Variants in TYMS observed in about 807,000 individuals in gnomAD.
TYMS encodes the protein thymidylate synthetase.
A neutral mutation model predicts 39.3 loss-of-function variants in TYMS; 21 were observed. The observed-to-expected ratio is 0.54, with a 90% confidence interval of 0.38 to 0.77. TYMS has a LOEUF of 0.77. Among genes scored for constraint, TYMS ranks in the 30% least tolerant of loss-of-function variants. TYMS has a pLI of 0.00. For missense variants in TYMS, 273 were observed against 406.7 expected, an observed-to-expected ratio of 0.67 and a Z score of 2.83; for synonymous variants, 171 against 162.2, an observed-to-expected ratio of 1.05 and a Z score of -0.41.
chr18:664,689 C>T (rs77599733), intron 3 of TYMS, among the ~76,000 whole-genome samples: 80,471 of 147,746 alleles, frequency 0.54, 23,456 homozygotes, highest in African/African-American at 0.77. Flanking sequence ...TGAAATATGT[C>T]CCATCAATAC....
intron 3 of TYMS, among the ~76,000 whole-genome samples, chr18:662,738 C>G (rs1372364456): frequency 6.6e-6 from 1 of 150,624 alleles, no homozygotes; most frequent in Non-Finnish European, 1.5e-5. Context: ...TTGTTCAATT[C>G]CCACCTATGA....
At position 667,992 on chromosome 18, in the gene TYMS, A is replaced by ATTTTT. The variant is rs60409589; in HGVS notation, c.455-1065_455-1061dup. The stretch of plus-strand genomic sequence containing the variant: ...AATTTTGTTTTACAGATTCACAGGA[A>ATTTTT]TTTTTTTTTTTTTTTTTTTAATGCA... On this transcript the variant is annotated intron_variant, in intron 3 of 6. Coordinates refer to ENST00000323274, the MANE Select transcript of TYMS (RefSeq NM_001071.4). Among the ~76,000 whole-genome samples, 25 of 105,366 alleles carry ATTTTT rather than the reference A, an allele frequency of 2.4e-4. 1 individual carries two copies. The highest frequency in any genetic ancestry group is 1.0e-3 in the South Asian group (3 of 2,864). 69.1% of individuals were successfully genotyped at this position (105,366 alleles called of 152,430 possible).
rs2847611 is a variant in TYMS, at chr18:667,571, A to C, written c.455-1501A>C. On this transcript the variant is annotated intron_variant, in intron 3 of 6. Transcript: ENST00000323274. ...GTGATGGAGATGGTGATGGTGATGG[A>C]GATGGTGATGGTGATGGTGATGGTG... 2.8e-3 allele frequency: 78 copies of C among 27,966 alleles called. 11 individuals are homozygous for C. The highest frequency in any genetic ancestry group is 0.02 in the African/African-American group (75 of 3,828). 1.7% of individuals were successfully genotyped at this position (27,966 alleles called of 1,614,324 possible).
At position 658,622 on chromosome 18, in the gene TYMS, C is replaced by T; in HGVS notation, c.205+675C>T. 5 of 184,792 alleles carry T rather than the reference C, an allele frequency of 2.7e-5. No individual in the cohort carries two copies. The highest frequency in any genetic ancestry group is 8.0e-5 in the Admixed American group (1 of 12,564). 11.4% of individuals were successfully genotyped at this position (184,792 alleles called of 1,614,324 possible). ...TGTCTCGCGGGTCATTGGCGCCAGG[C>T]TTTCAGGGGACAGTGGGGCGGGGCG... On this transcript the variant is annotated intron_variant, in intron 1 of 6. Transcript: ENST00000323274. This position sits in a 1 kb window ranked among gnomAD's most constrained non-coding sequence, Gnocchi z 4.5.
rs879104575 is a variant in TYMS, at chr18:671,342, A to G, written c.733-38A>G. On this transcript the variant is annotated intron_variant, in intron 5 of 6. Transcript: ENST00000323274. ...TTAAATGATGTTTTAAAGAATTGAA[A>G]CTAACATACTGTTCTGCTTTCTCCC... 3 of 1,323,404 alleles carry G rather than the reference A, an allele frequency of 2.3e-6. No individual in the cohort carries two copies. The South Asian group carries it at 3.5e-5, about 16-fold the overall frequency. 82.0% of individuals were successfully genotyped at this position (1,323,404 alleles called of 1,614,324 possible).
chr18:670,598 G>T, intron 4 of TYMS, 94 bp from the exon 5 acceptor site: 1 of 1,369,602 alleles, frequency 7.3e-7, no homozygotes, highest in Non-Finnish European at 1.0e-6. Flanking sequence ...TCCACCATAT[G>T]AGTTGGCTTC....
rs1703168604 is a variant in TYMS at position 672,866 on chromosome 18, C to T, written c.811C>T (p.Arg271Ter). Reference protein sequence around the residue: ...HIEPLKIQLQREPRPFPKLRI... With the variant: ...HIEPLKIQLQ Reference sequence around the variant, plus strand: ...GGCCTTATTTTGTTTTTAGCTTCAGCGAGAACCCAGACCTTTCCCAAAGCT... The same window carrying T: ...GGCCTTATTTTGTTTTTAGCTTCAGTGAGAACCCAGACCTTTCCCAAAGCT... The change falls in exon 7 of 7, where the codon CGA (arginine) becomes TGA (stop). Residue 271 changes from arginine (R) to a stop codon, truncating the protein, a stop_gained. Transcript: ENST00000323274. LOFTEE classifies it high-confidence loss of function. 6.4e-7 allele frequency: 1 copy of T among 1,564,226 alleles called. No homozygotes were observed. The highest frequency in any genetic ancestry group is 8.7e-7 in the Non-Finnish European group (1 of 1,143,450).
intron 4 of TYMS, 31 bp from the exon 5 acceptor site, chr18:670,661 C>T (rs1420335721): frequency 6.2e-7 from 1 of 1,608,806 alleles, no homozygotes; most frequent in Non-Finnish European, 8.5e-7. Context: ...AAACCACCAT[C>T]CCTCCTTATC....
chr18:658,360 T>C lies in TYMS; in HGVS notation c.205+413T>C. ...TCCTCCGTTTTCCCCTGTGGACCAT[T>C]CCGCTTCGCAGCGTTTTCAAAAACT... On this transcript the variant is annotated intron_variant, in intron 1 of 6. Transcript: ENST00000323274. This position sits in a 1 kb window ranked among gnomAD's most constrained non-coding sequence, Gnocchi z 4.5. 3.1e-6 allele frequency: 4 copies of C among 1,296,424 alleles called. No individual in the cohort carries two copies. Among genetic ancestry groups the C allele is most frequent in the Non-Finnish European group, 4.0e-6 (4 of 993,660 alleles). The allele number at this position is 1,296,424 out of a possible 1,614,324, so 80.3% of individuals were successfully genotyped here.
intron 4 of TYMS, 183 bp from the exon 5 acceptor site, chr18:670,509 T>G (rs1241401966): frequency 1.6e-6 from 1 of 609,716 alleles, no homozygotes; most frequent in Non-Finnish European, 2.9e-6. Flanking sequence ...CACCGATGGA[T>G]AGTCTCCCTC....
intron 3 of TYMS, among the ~76,000 whole-genome samples, chr18:665,526 CTGATT>C (rs2074802507): frequency 7.4e-6 from 1 of 135,018 alleles, no homozygotes; most frequent in Non-Finnish European, 1.6e-5. Context: ...CAGTTCTGCT[CTGATT>C]TTAGTTATTT....
chr18:667,865 C>T (rs1166094197), intron 3 of TYMS: 3 of 151,880 alleles, frequency 2.0e-5, no homozygotes, highest in Admixed American at 1.3e-4. Flanking sequence ...TCAATTATTT[C>T]TTGTCGCTTA....
At position 660,736 on chromosome 18, in the gene TYMS, G is replaced by A. The variant is rs553942062; in HGVS notation, c.279+1022G>A. 1.1e-4 allele frequency among the ~76,000 whole-genome samples: 17 copies of A among 152,302 alleles called. No homozygotes were observed. The highest frequency in any genetic ancestry group is 3.9e-4 in the East Asian group (2 of 5,182). ...CCCAGACCAAGCTTCTCTGTGTTCC[G>A]TGTCCTGGTCTAGAACCAGCGATGT... On this transcript the variant is annotated intron_variant, in intron 2 of 6. Coordinates refer to ENST00000323274, the MANE Select transcript of TYMS (RefSeq NM_001071.4). This position sits in a 1 kb window ranked among gnomAD's most constrained non-coding sequence, Gnocchi z 4.6.
intron 6 of TYMS, chr18:671,725 G>A (rs1184068209): frequency 8.5e-6 from 4 of 471,244 alleles, no homozygotes; most frequent in Middle Eastern, 5.3e-4. Context: ...TTGTCCAAAA[G>A]GGGGCATTTT....
chr18:658,733 G>C lies in TYMS; in HGVS notation c.205+786G>C. The stretch of plus-strand genomic sequence containing the variant: ...CCTGGATCCTGCGCCAGCTGCGCGG[G>C]GGAGGGGACTCGAAGGTGTGTGAGC... On this transcript the variant is annotated intron_variant, in intron 1 of 6. Transcript: ENST00000323274. The surrounding 1 kb of genome is among the most constrained non-coding windows in gnomAD (Gnocchi z 4.5). 1 of 212,944 alleles carries C rather than the reference G, an allele frequency of 4.7e-6. No homozygotes were observed. Among genetic ancestry groups the C allele is most frequent in the Non-Finnish European group, 9.4e-6 (1 of 106,218 alleles). The allele number at this position is 212,944 out of a possible 1,614,324, so 13.2% of individuals were successfully genotyped here. A position where few individuals can be genotyped will look rare whatever the true frequency, so the allele number is the denominator to read the frequency against.
intron 4 of TYMS, chr18:670,430 G>GC (rs1288548986): frequency 2.3e-5 from 10 of 441,958 alleles, no homozygotes; most frequent in African/African-American, 2.0e-4. Flanking sequence ...CCACGAGGTA[G>GC]CCCAGATCCC....
chr18:669,343 G>T, intron 4 of TYMS, 170 bp downstream of exon 4: 9 of 493,468 alleles, frequency 1.8e-5, no homozygotes, highest in East Asian at 3.1e-5. Context: ...TTCACCTTCA[G>T]ATCATGAGGT....
intron 3 of TYMS, among the ~76,000 whole-genome samples, chr18:667,007 ATGGT>A (rs2074845392): frequency 1.5e-4 from 1 of 6,496 alleles, no homozygotes; most frequent in Non-Finnish European, 3.7e-4. Flanking sequence ...GGAGATGGTG[ATGGT>A]GATGGAGATG....
Position 672,893 on chromosome 18 carries a change from A to G in TYMS, c.838A>G (p.Arg280Gly). 6.3e-7 allele frequency: 1 copy of G among 1,596,732 alleles called. No individual in the cohort carries two copies. Reference protein sequence around the residue: ...QREPRPFPKLRILRKVEKIDD... With the variant: ...QREPRPFPKLGILRKVEKIDD... ...AGAACCCAGACCTTTCCCAAAGCTC[A>G]GGATTCTTCGAAAAGTTGAGAAAAT... The change falls in exon 7 of 7, where the codon AGG (arginine) becomes GGG (glycine). Residue 280 changes from arginine to glycine, a missense_variant. Transcript: ENST00000323274.
Sources: gnomAD v4.1 joint callset for allele counts (sites outside exome capture counted in the v4.1 genomes callset) on GRCh38, gnomAD v4.1.1 for gene constraint, Gnocchi (gnomAD v3.1) non-coding constraint, MANE v1.5 for transcripts, NCBI Gene and HGNC (gene_info 2026-07-23, HGNC 2026-07-21) for gene names.